Variants in PCDHGB4 observed in about 807,000 individuals in gnomAD.
The protein encoded by PCDHGB4 is protocadherin gamma-B4.
A neutral mutation model predicts 60.5 loss-of-function variants in PCDHGB4; 38 were observed. That is an observed-to-expected ratio of 0.63 (90% CI 0.48 to 0.82). PCDHGB4 has a LOEUF of 0.82. Among genes scored for constraint, PCDHGB4 ranks in the 40% least tolerant of loss-of-function variants. The pLI, the probability that PCDHGB4 is intolerant of heterozygous loss-of-function variation, is 0.00. For missense variants in PCDHGB4, 1,109 were observed against 1,209.6 expected (o/e 0.92, Z 1.23); for synonymous variants, 456 against 509.7 (o/e 0.89, Z 1.42).
At chr5:141,394,189 C>T (rs543330174) in intron 1 of PCDHGB4, 1 of 1,613,892 alleles carries the variant, frequency 6.2e-7, no homozygotes, top group Admixed American at 1.7e-5. Flanking sequence ...TCCTACTCAG[C>T]GTATATCCTA....
chr5:141,409,802 G>A (rs2095317294), intron 1 of PCDHGB4: 10 of 1,611,810 alleles, frequency 6.2e-6, no homozygotes, highest in Non-Finnish European at 7.6e-6. Context: ...CACGCTGCAG[G>A]CCCGCGACCA....
At chr5:141,421,025 A>C (rs1047305594) in intron 1 of PCDHGB4, 4 of 526,168 alleles carry the variant, frequency 7.6e-6, no homozygotes, top group African/African-American at 5.9e-5. Context: ...GCTGCGCGCC[A>C]TTGAGTCCCT....
intron 1 of PCDHGB4, among the ~76,000 whole-genome samples, chr5:141,454,371 G>A (rs901551817): frequency 6.6e-6 from 1 of 152,096 alleles, no homozygotes; most frequent in Non-Finnish European, 1.5e-5. Context: ...AAGGAGTATG[G>A]CAACTTGTCA....
chr5:141,494,781 C>T, intron 1 of PCDHGB4, 26 bp from the exon 2 acceptor site: 1 of 1,614,074 alleles, frequency 6.2e-7, no homozygotes, highest in African/African-American at 1.3e-5. Flanking sequence ...GGGTACTCAG[C>T]CCCTTTCCCT....
chr5:141,428,492 A>C (rs2097142759), intron 1 of PCDHGB4: 1 of 307,660 alleles, frequency 3.3e-6, no homozygotes. Flanking sequence ...TGCAATCTGT[A>C]TGTTCCCTCG....
Position 141,388,824 on chromosome 5 carries a change from T to G in PCDHGB4, c.940T>G (p.Ser314Ala), listed in dbSNP as rs760173455. Residue 314 changes from serine to alanine, a missense_variant, in exon 1 of 4, where the codon TCC becomes GCC. By Grantham distance (99) the Ser-to-Ala change is moderately conservative (BLOSUM62 1). This residue lies in a region of PCDHGB4 where 1,068 missense variants were observed against 1,089.9 expected (regional missense o/e 0.98). Coordinates refer to ENST00000519479, the MANE Select transcript of PCDHGB4 (RefSeq NM_003736.4). ...TLDFEEVKEY[S>A]IVLEARDGGG... ...AGATTTTGAAGAAGTCAAAGAATAT[T>G]CCATAGTTTTGGAAGCAAGGGACGG... The G allele has an allele frequency of 6.2e-7, 1 of 1,613,960 alleles. No homozygotes were observed. The highest frequency in any genetic ancestry group is 2.2e-5 in the East Asian group (1 of 44,888).
chr5:141,428,488 CTGT>C (rs2097142454), intron 1 of PCDHGB4: 1 of 312,362 alleles, frequency 3.2e-6, no homozygotes. Flanking sequence ...TTCCTGCAAT[CTGT>C]ATGTTCCCTC....
chr5:141,413,748 T>C (rs1264580781), intron 1 of PCDHGB4: 2 of 1,613,288 alleles, frequency 1.2e-6, no homozygotes, highest in Non-Finnish European at 1.7e-6. Context: ...GCCGTGCCAA[T>C]GGCGTCAAGT....
chr5:141,402,879 C>T, intron 1 of PCDHGB4: 1 of 1,471,232 alleles, frequency 6.8e-7, no homozygotes, highest in Non-Finnish European at 9.0e-7. Flanking sequence ...CCATACTTTG[C>T]AGGGTGGAAG....
intron 1 of PCDHGB4, chr5:141,413,690 A>G (rs553462819): frequency 6.2e-7 from 1 of 1,613,702 alleles, no homozygotes; most frequent in Non-Finnish European, 8.5e-7. Flanking sequence ...AACTCCCTGC[A>G]GAGCTATCAG....
intron 1 of PCDHGB4, chr5:141,394,936 T>G: frequency 1.2e-6 from 2 of 1,613,836 alleles, no homozygotes; most frequent in Non-Finnish European, 8.5e-7. Flanking sequence ...CTCGCCTTTG[T>G]CGCTGTGCTT....
chr5:141,408,570 T>C (rs1184307323), intron 1 of PCDHGB4: 5 of 1,613,966 alleles, frequency 3.1e-6, no homozygotes, highest in East Asian at 2.2e-5. Context: ...ATTGTGGTGA[T>C]TGAGGATGTT....
Position 141,432,039 on chromosome 5 carries a change from G to C in PCDHGB4, c.2397+41758G>C. ...AACATCACAGTGACCGCCACTGACC[G>C]GGGAACCCCGCCCCTATCCACGGAA... On this transcript the variant is annotated intron_variant, in intron 1 of 3. Transcript: ENST00000519479. This position sits in a 1 kb window ranked among gnomAD's most constrained non-coding sequence, Gnocchi z 6.0. 6.2e-7 allele frequency: 1 copy of C among 1,614,176 alleles called. No homozygotes were observed. Among genetic ancestry groups the C allele is most frequent in the Non-Finnish European group, 8.5e-7 (1 of 1,180,028 alleles).
At position 141,421,672 on chromosome 5, in the gene PCDHGB4, C is replaced by T; in HGVS notation, c.2397+31391C>T. On this transcript the variant is annotated intron_variant, in intron 1 of 3. Coordinates refer to ENST00000519479, the MANE Select transcript of PCDHGB4 (RefSeq NM_003736.4). Reference sequence around the variant, plus strand: ...GATAAAAGTCAGTGAGCACGCAATTCCTGGGGCGCGATTTGCTCTTCCTAA... The same window carrying T: ...GATAAAAGTCAGTGAGCACGCAATTTCTGGGGCGCGATTTGCTCTTCCTAA... 4 of 1,613,862 alleles carry T rather than the reference C, an allele frequency of 2.5e-6. No individual in the cohort carries two copies. The highest frequency in any genetic ancestry group is 1.6e-4 in the Middle Eastern group (1 of 6,062).
chr5:141,404,004 C>T (rs1219625288), intron 1 of PCDHGB4: 3 of 1,613,842 alleles, frequency 1.9e-6, no homozygotes, highest in Non-Finnish European at 2.5e-6. Flanking sequence ...ACCATTACAT[C>T]TCTGTTTAGC....
chr5:141,428,563 G>A, intron 1 of PCDHGB4: 2 of 237,566 alleles, frequency 8.4e-6, no homozygotes, highest in East Asian at 1.1e-4. Flanking sequence ...CCCCCCACAA[G>A]ATCTTTCTAA....
intron 1 of PCDHGB4, among the ~76,000 whole-genome samples, chr5:141,438,579 CATACATACATACATATATATAT>C (rs1356926315): frequency 3.6e-5 from 2 of 55,782 alleles, no homozygotes; most frequent in Non-Finnish European, 6.0e-5. Context: ...GATATACATA[CATACATACATACATATATATAT>C]ATATATATAT....
chr5:141,457,942 T>C (rs2098933338), intron 1 of PCDHGB4, among the ~76,000 whole-genome samples: 1 of 152,226 alleles, frequency 6.6e-6, no homozygotes, highest in Non-Finnish European at 1.5e-5. Flanking sequence ...TTATTGGCTC[T>C]GCATGTCAAG....
chr5:141,403,690 T>G, intron 1 of PCDHGB4: 1 of 1,613,908 alleles, frequency 6.2e-7, no homozygotes, highest in Non-Finnish European at 8.5e-7. Context: ...CTCAACGGAT[T>G]TACCGAGTTA....
Sources: gnomAD v4.1 joint callset for allele counts (sites outside exome capture counted in the v4.1 genomes callset) on GRCh38, gnomAD v4.1.1 for gene constraint, gnomAD v4.1.1 regional missense constraint, Gnocchi (gnomAD v3.1) non-coding constraint, MANE v1.5 for transcripts, NCBI Gene and HGNC (gene_info 2026-07-23, HGNC 2026-07-21) for gene names.